CYP27A1: variants seen among roughly 807,000 people sequenced by gnomAD.
The protein encoded by CYP27A1 is sterol 26-hydroxylase, mitochondrial.
CYP27A1 carries 46 observed loss-of-function variants against 58.2 expected under a neutral mutation model. The observed-to-expected ratio is 0.79, with a 90% confidence interval of 0.62 to 1.01. The LOEUF is 1.01. CYP27A1 is among the 50% of genes least tolerant of loss of function. The pLI, the probability that CYP27A1 is intolerant of heterozygous loss-of-function variation, is 0.00. For missense variants in CYP27A1, 704 were observed against 687.0 expected, an observed-to-expected ratio of 1.02 and a Z score of -0.28; for synonymous variants, 274 against 285.1, an observed-to-expected ratio of 0.96 and a Z score of 0.39.
intron 1 of CYP27A1, among the ~76,000 whole-genome samples, chr2:218,799,572 G>A (rs1350052131): frequency 2.0e-5 from 3 of 152,076 alleles, no homozygotes; most frequent in Admixed American, 6.6e-5. Context: ...GCAGCCGGCA[G>A]GTTAACAAAA....
intron 1 of CYP27A1, among the ~76,000 whole-genome samples, chr2:218,808,306 G>C (rs929485378): frequency 1.3e-5 from 2 of 152,234 alleles, no homozygotes; most frequent in Non-Finnish European, 2.9e-5. Context: ...GTGTTCCTGG[G>C]AGGTAGAAAT....
At chr2:218,813,590 T>G (rs1191812447) in intron 5 of CYP27A1, among the ~76,000 whole-genome samples, 1 of 151,338 alleles carries the variant, frequency 6.6e-6, no homozygotes, top group East Asian at 1.9e-4. Flanking sequence ...CATGCCCAGC[T>G]TTTTTTTTCT....
intron 2 of CYP27A1, 131 bp downstream of exon 2, chr2:218,809,898 G>A: frequency 3.7e-6 from 3 of 815,214 alleles, no homozygotes; most frequent in Non-Finnish European, 5.7e-6. Context: ...ATGGTCTAGA[G>A]AGCAGTTGTT....
intron 1 of CYP27A1, among the ~76,000 whole-genome samples, chr2:218,805,555 T>A (rs2105977157): frequency 6.6e-6 from 1 of 152,354 alleles, no homozygotes; most frequent in East Asian, 1.9e-4. Flanking sequence ...TGCACTAGGA[T>A]AAGAACTCCT....
At position 218,814,128 on chromosome 2, in the gene CYP27A1, C is replaced by A. The variant is rs202049251; in HGVS notation, c.1125C>A (p.Pro375=). The A allele has an allele frequency of 6.2e-7, 1 of 1,614,238 alleles. No individual in the cohort carries two copies. Among genetic ancestry groups the A allele is most frequent in the Non-Finnish European group, 8.5e-7 (1 of 1,180,038 alleles). The part of the protein sequence containing the change: ...VVGVVPAGQV[P]QHKDFAHMPL... ...GTGTGGTGCCAGCCGGGCAAGTGCC[C>A]CAGCACAAGGACTTTGCCCACATGC... is the stretch of plus-strand genomic sequence containing the variant. Residue 375 remains proline (P), a synonymous_variant, in exon 6 of 9, where the codon CCC becomes CCA. Transcript: ENST00000258415.
At chr2:218,804,400 A>G (rs1407849298) in intron 1 of CYP27A1, among the ~76,000 whole-genome samples, 1 of 152,218 alleles carries the variant, frequency 6.6e-6, no homozygotes, top group East Asian at 1.9e-4. Flanking sequence ...CCATTGGTCT[A>G]TATGTCTACA....
In CYP27A1 at chr2:218,812,368, C is replaced by T. The variant is rs563736306; in HGVS notation, c.593C>T (p.Ser198Leu). 104 of 1,614,192 alleles carry T rather than the reference C, an allele frequency of 6.4e-5. 1 individual carries two copies. Among genetic ancestry groups the T allele is most frequent in the South Asian group, 4.4e-4 (40 of 91,086 alleles). Residue 198 changes from serine to leucine, a missense_variant, in exon 3 of 9, where the codon TCG becomes TTG. By Grantham distance (145) the Ser-to-Leu change is moderately radical. Coordinates refer to ENST00000258415, the MANE Select transcript of CYP27A1 (RefSeq NM_000784.4). ...RLDQLRAESA[S>L]GNQVSDMAQL... ...GACCAGCTGCGGGCAGAGAGTGCTT[C>T]GGGGAACCAGGTGTCGGACATGGCT...
At chr2:218,809,058 C>G (rs1366553170) in intron 1 of CYP27A1, among the ~76,000 whole-genome samples, 1 of 152,074 alleles carries the variant, frequency 6.6e-6, no homozygotes, top group Non-Finnish European at 1.5e-5. Flanking sequence ...TTTTTGGACC[C>G]TGACTTTCTC....
intron 1 of CYP27A1, among the ~76,000 whole-genome samples, chr2:218,807,181 G>A (rs532281145): frequency 5.9e-5 from 9 of 151,906 alleles, no homozygotes; most frequent in African/African-American, 1.4e-4. Context: ...GGTTGGTCTC[G>A]AACTCTTGAC....
chr2:218,812,638 G>A lies in CYP27A1; in HGVS notation c.733G>A (p.Gly245Arg), dbSNP rs746666035. ...CACCGTGACCTTCGTCAGATCCATC[G>A]GGTTAATGTTCCAGAACTCACTCTA... Reference protein sequence around the residue: ...EDTVTFVRSIGLMFQNSLYAT... With the variant: ...EDTVTFVRSIRLMFQNSLYAT... Residue 245 changes from glycine to arginine, a missense_variant, in exon 4 of 9, where the codon GGG becomes AGG. Transcript: ENST00000258415. 8 of 1,614,044 alleles carry A rather than the reference G, an allele frequency of 5.0e-6. No homozygotes were observed. Among genetic ancestry groups the A allele is most frequent in the South Asian group, 1.1e-5 (1 of 91,078 alleles).
Position 218,782,522 on chromosome 2 carries a change from G to C in CYP27A1, c.255+85G>C. On this transcript the variant is annotated intron_variant, in intron 1 of 8. Coordinates refer to ENST00000258415, the MANE Select transcript of CYP27A1 (RefSeq NM_000784.4). The surrounding 1 kb of genome is among the most constrained non-coding windows in gnomAD (Gnocchi z 4.1). ...GAGGTGAGAAGACGTTGGACAGAAAGTGAAGGCTGCAGGAACTCAGCTGGG... is the reference window on the plus strand; with the variant it reads ...GAGGTGAGAAGACGTTGGACAGAAACTGAAGGCTGCAGGAACTCAGCTGGG... The C allele has an allele frequency of 6.4e-7, 1 of 1,572,398 alleles. No individual in the cohort carries two copies. The highest frequency in any genetic ancestry group is 8.7e-7 in the Non-Finnish European group (1 of 1,147,482).
At chr2:218,807,790 T>C in intron 1 of CYP27A1, among the ~76,000 whole-genome samples, 1 of 151,720 alleles carries the variant, frequency 6.6e-6, no homozygotes, top group Admixed American at 6.6e-5. Flanking sequence ...TTTTTTTTTT[T>C]GTAGAGGCAG....
At chr2:218,785,331 C>G (rs1943432066) in intron 1 of CYP27A1, among the ~76,000 whole-genome samples, 1 of 152,142 alleles carries the variant, frequency 6.6e-6, no homozygotes, top group East Asian at 1.9e-4. Context: ...GCTCACTCAC[C>G]TACTGCTTAC....
At chr2:218,813,352 C>T (rs1268917930) in intron 5 of CYP27A1, among the ~76,000 whole-genome samples, 1 of 152,190 alleles carries the variant, frequency 6.6e-6, no homozygotes, top group Non-Finnish European at 1.5e-5. Flanking sequence ...CTGGGAAGTA[C>T]ATCTCCCATC....
intron 2 of CYP27A1, among the ~76,000 whole-genome samples, chr2:218,810,854 T>TA (rs971051141): frequency 6.6e-6 from 1 of 151,908 alleles, no homozygotes; most frequent in African/African-American, 2.4e-5. Flanking sequence ...AAATATATAT[T>TA]AAAAAAAATT....
chr2:218,796,780 T>C, intron 1 of CYP27A1, among the ~76,000 whole-genome samples: 1 of 152,226 alleles, frequency 6.6e-6, no homozygotes, highest in East Asian at 1.9e-4. Context: ...GGATCAGCAG[T>C]ATTACAAGCA....
chr2:218,814,868 A>G (rs1383520836), intron 8 of CYP27A1, 43 bp from the exon 9 acceptor site: 1 of 1,614,156 alleles, frequency 6.2e-7, no homozygotes, highest in East Asian at 2.2e-5. Context: ...AGTGGATGGC[A>G]AACACACAAT....
At chr2:218,801,187 C>T (rs1943596238) in intron 1 of CYP27A1, among the ~76,000 whole-genome samples, 1 of 152,156 alleles carries the variant, frequency 6.6e-6, no homozygotes, top group African/African-American at 2.4e-5. Context: ...AATAGTTTTG[C>T]ATGACAAAGG....
Position 218,782,204 on chromosome 2 carries a change from A to AG in CYP27A1, c.24dup (p.Leu9AlafsTer172), listed in dbSNP as rs1163340926. On this transcript the variant is annotated frameshift_variant, in exon 1 of 9. Transcript: ENST00000258415. LOFTEE classifies it high-confidence loss of function. This position sits in a 1 kb window ranked among gnomAD's most constrained non-coding sequence, Gnocchi z 4.1. Reference sequence around the variant, plus strand: ...ACCCATGGCTGCGCTGGGCTGCGCGAGGCTGAGGTGGGCGCTGCGAGGGGC... The same window carrying AG: ...ACCCATGGCTGCGCTGGGCTGCGCGAGGGCTGAGGTGGGCGCTGCGAGGGGC... 3.2e-6 allele frequency: 5 copies of AG among 1,538,754 alleles called. No homozygotes were observed. Among genetic ancestry groups the AG allele is most frequent in the African/African-American group, 1.4e-5 (1 of 72,966 alleles).
Sources: allele counts gnomAD v4.1 joint callset (sites outside exome capture counted in the v4.1 genomes callset), GRCh38; gene constraint gnomAD v4.1.1; non-coding constraint Gnocchi (gnomAD v3.1); transcripts MANE v1.5; gene names NCBI Gene and HGNC (gene_info 2026-07-23, HGNC 2026-07-21).